PLA2R1: variants seen among roughly 807,000 people sequenced by gnomAD.
PLA2R1 encodes phospholipase A2 receptor 1.
A neutral mutation model predicts 195.9 loss-of-function variants in PLA2R1; 158 were observed. That is an observed-to-expected ratio of 0.81 (90% CI 0.71 to 0.92). The LOEUF is 0.92. Among genes scored for constraint, PLA2R1 ranks in the 40% least tolerant of loss-of-function variants. PLA2R1 has a pLI of 0.00. For synonymous variants in PLA2R1, 586 were observed against 598.2 expected (o/e 0.98, Z 0.30); for missense variants, 1,626 against 1,764.6 (o/e 0.92, Z 1.41).
intron 3 of PLA2R1, among the ~76,000 whole-genome samples, chr2:160,038,652 G>A (rs563768534): frequency 5.9e-5 from 9 of 152,172 alleles, no homozygotes; most frequent in Non-Finnish European, 8.8e-5. Flanking sequence ...CCATTATGAG[G>A]TAGGAACTGA....
chr2:160,041,586 G>C (rs1694522263), intron 3 of PLA2R1, among the ~76,000 whole-genome samples: 1 of 152,104 alleles, frequency 6.6e-6, no homozygotes, highest in Admixed American at 6.5e-5. Flanking sequence ...GGGCCAGCTG[G>C]TGCCTGGGCT....
chr2:160,020,000 C>G (rs1055778135), intron 8 of PLA2R1, 106 bp downstream of exon 8: 7 of 697,212 alleles, frequency 1.0e-5, no homozygotes, highest in Non-Finnish European at 1.7e-5. Context: ...CCATGAGGAA[C>G]AGGGACTGCA....
intron 1 of PLA2R1, among the ~76,000 whole-genome samples, chr2:160,052,832 C>A (rs543273450): frequency 3.7e-4 from 56 of 152,288 alleles, no homozygotes; most frequent in African/African-American, 1.0e-3. Context: ...AACAAAAGTG[C>A]TTACAATGAG....
intron 28 of PLA2R1, among the ~76,000 whole-genome samples, chr2:159,943,340 TTG>T (rs1687195123): frequency 6.6e-6 from 1 of 152,206 alleles, no homozygotes; most frequent in South Asian, 2.1e-4. Flanking sequence ...ATATGTATTA[TTG>T]TGTTTTTATG....
At chr2:160,029,435 C>T (rs1202749008) in intron 4 of PLA2R1, among the ~76,000 whole-genome samples, 2 of 151,892 alleles carry the variant, frequency 1.3e-5, no homozygotes, top group Admixed American at 6.6e-5. Context: ...ACAGGAGGGA[C>T]CAGAGTGTCT....
At chr2:159,993,092 A>G (rs1284272654) in intron 11 of PLA2R1, among the ~76,000 whole-genome samples, 2 of 152,088 alleles carry the variant, frequency 1.3e-5, no homozygotes, top group Admixed American at 1.3e-4. Flanking sequence ...CCATAGAGCA[A>G]CCTCCACTTA....
At chr2:159,925,242 C>A in the PLA2R1 span, among the ~76,000 whole-genome samples, 1 of 151,832 alleles carries the variant, frequency 6.6e-6, no homozygotes, top group East Asian at 1.9e-4. Flanking sequence ...AATTGTGTTA[C>A]GGCAATGGTA....
chr2:159,987,760 G>C (rs2105323346), intron 11 of PLA2R1, among the ~76,000 whole-genome samples: 1 of 152,216 alleles, frequency 6.6e-6, no homozygotes, highest in South Asian at 2.1e-4. Flanking sequence ...ATTCAACAGG[G>C]GAAAATAGGT....
At chr2:159,974,985 T>A (rs1272235434) in intron 17 of PLA2R1, among the ~76,000 whole-genome samples, 1 of 152,170 alleles carries the variant, frequency 6.6e-6, no homozygotes, top group African/African-American at 2.4e-5. Flanking sequence ...ATGATAGAGT[T>A]AGAAAGGATT....
chr2:159,965,371 G>A (rs1688719223), intron 20 of PLA2R1, among the ~76,000 whole-genome samples: 1 of 152,148 alleles, frequency 6.6e-6, no homozygotes, highest in African/African-American at 2.4e-5. Flanking sequence ...GTCTTTTCCA[G>A]AATGTCATAT....
Position 160,033,006 on chromosome 2 carries a change from C to T in PLA2R1, c.794G>A (p.Gly265Asp). Residue 265 changes from glycine to aspartate, a missense_variant, in exon 4 of 30, where the codon GGT becomes GAT. By Grantham distance (94) the Gly-to-Asp change is moderately conservative. Coordinates refer to ENST00000283243, the MANE Select transcript of PLA2R1 (RefSeq NM_007366.5). ...TTCATCTGTAATACTTAACAGCGTA[C>T]CTCCTTGCATCTGGCATGAAGAATG... ...EAHSSCQMQGGTLLSITDETE... is the reference protein window; with the variant it reads ...EAHSSCQMQGDTLLSITDETE... 1 of 1,613,444 alleles carries T rather than the reference C, an allele frequency of 6.2e-7. No homozygotes were observed. Among genetic ancestry groups the T allele is most frequent in the Non-Finnish European group, 8.5e-7 (1 of 1,179,694 alleles).
At chr2:160,021,503 G>A (rs926828282) in intron 7 of PLA2R1, among the ~76,000 whole-genome samples, 1 of 152,218 alleles carries the variant, frequency 6.6e-6, no homozygotes, top group African/African-American at 2.4e-5. Flanking sequence ...AGCACTTGAG[G>A]CGATTCTGCT....
At chr2:159,979,653 T>C (rs1689810367) in intron 14 of PLA2R1, among the ~76,000 whole-genome samples, 177 bp downstream of exon 14, 1 of 152,182 alleles carries the variant, frequency 6.6e-6, no homozygotes, top group Non-Finnish European at 1.5e-5. Context: ...CAGAACAATA[T>C]GGCTAGCAAA....
chr2:160,029,237 G>T (rs1345154410), intron 4 of PLA2R1, among the ~76,000 whole-genome samples: 2 of 152,188 alleles, frequency 1.3e-5, no homozygotes, highest in Non-Finnish European at 2.9e-5. Flanking sequence ...AAGGGTGCAT[G>T]GTTGCATACT....
At chr2:159,975,227 T>C (rs901047731) in intron 17 of PLA2R1, among the ~76,000 whole-genome samples, 1 of 152,194 alleles carries the variant, frequency 6.6e-6, no homozygotes, top group African/African-American at 2.4e-5. Context: ...GTATACAACA[T>C]GATGTTTTAA....
intron 11 of PLA2R1, among the ~76,000 whole-genome samples, chr2:159,991,464 CTTTCT>C (rs1690789540): frequency 7.8e-6 from 1 of 127,854 alleles, no homozygotes; most frequent in South Asian, 2.5e-4. Flanking sequence ...TTAAGTTTTT[CTTTCT>C]TTTATTATTA....
chr2:160,036,791 TTTG>T (rs1030025225), intron 3 of PLA2R1, among the ~76,000 whole-genome samples: 1 of 152,206 alleles, frequency 6.6e-6, no homozygotes, highest in African/African-American at 2.4e-5. Flanking sequence ...CTGAAAAGCC[TTTG>T]TTGTTGTTTA....
In PLA2R1 at chr2:159,969,343, G is replaced by T; in HGVS notation, c.2677C>A (p.Pro893Thr). 1 of 1,592,696 alleles carries T rather than the reference G, an allele frequency of 6.3e-7. No homozygotes were observed. The highest frequency in any genetic ancestry group is 1.1e-5 in the South Asian group (1 of 90,532). The change falls in exon 19 of 30, where the codon CCA (proline) becomes ACA (threonine). Residue 893 changes from proline to threonine, a missense_variant. Pro to Thr is a conservative substitution (Grantham distance 38). Coordinates refer to ENST00000283243, the MANE Select transcript of PLA2R1 (RefSeq NM_007366.5). ...NDEFRWRDGT[P>T]VIYQNWDTGR... ...GTGTCCCAGTTCTGGTATATCACTGGTGTTCCATCTCTCCAGCTGTGGGAA... is the reference window on the plus strand; with the variant it reads ...GTGTCCCAGTTCTGGTATATCACTGTTGTTCCATCTCTCCAGCTGTGGGAA...
At chr2:160,020,307 G>A in intron 7 of PLA2R1, 44 bp from the exon 8 acceptor site, 1 of 1,399,602 alleles carries the variant, frequency 7.1e-7, no homozygotes, top group Non-Finnish European at 1.0e-6. Context: ...CCTATTATTT[G>A]CAAAGGAGAT....
Sources: gnomAD v4.1 joint callset for allele counts (sites outside exome capture counted in the v4.1 genomes callset) on GRCh38, gnomAD v4.1.1 for gene constraint, MANE v1.5 for transcripts, NCBI Gene and HGNC (gene_info 2026-07-23, HGNC 2026-07-21) for gene names.